Variants in ARHGEF11 observed in about 807,000 individuals in gnomAD.
The protein encoded by ARHGEF11 is Rho guanine exchange factor (GEF) 11.
In ARHGEF11, 55 loss-of-function variants were observed where a neutral mutation model predicts 193.7. That is an observed-to-expected ratio of 0.28 (90% CI 0.23 to 0.36). The LOEUF is 0.36. ARHGEF11 is among the 10% of genes least tolerant of loss of function. ARHGEF11 has a pLI of 1.00. For synonymous variants in ARHGEF11, 693 were observed against 768.0 expected, an observed-to-expected ratio of 0.90 and a Z score of 1.62; for missense variants, 1,723 against 2,005.6, an observed-to-expected ratio of 0.86 and a Z score of 2.69.
Position 157,045,561 on chromosome 1 carries a change from C to G in ARHGEF11, c.-1231G>C, listed in dbSNP as rs1453835625. On this transcript the variant is annotated 5_prime_UTR_variant, in exon 1 of 41. Transcript: ENST00000368194. ...CCTCCCTTTCCGCCCCTCGCCTAAT[C>G]TCGCAGGCAGGAGCCCGCAGTGCCT... 2.0e-5 allele frequency among the ~76,000 whole-genome samples: 3 copies of G among 152,028 alleles called. No individual in the cohort carries two copies. The highest frequency in any genetic ancestry group is 4.4e-5 in the Non-Finnish European group (3 of 67,946).
chr1:157,038,565 A>T (rs1190524705), intron 1 of ARHGEF11, among the ~76,000 whole-genome samples: 3 of 152,180 alleles, frequency 2.0e-5, no homozygotes, highest in Non-Finnish European at 4.4e-5. Context: ...GATCACTGAA[A>T]ATGGGAGAGG....
chr1:156,963,788 T>C (rs1661319528), intron 11 of ARHGEF11, 194 bp from the exon 12 acceptor site: 1 of 1,423,784 alleles, frequency 7.0e-7, no homozygotes, highest in South Asian at 1.6e-5. Flanking sequence ...GTCAACTGCT[T>C]CTGGGTGGGG....
intron 1 of ARHGEF11, among the ~76,000 whole-genome samples, chr1:157,036,510 C>G (rs1169196037): frequency 6.6e-6 from 1 of 151,806 alleles, no homozygotes; most frequent in African/African-American, 2.4e-5. Flanking sequence ...TTAGTAGAGA[C>G]GGGGTTTCAC....
intron 1 of ARHGEF11, among the ~76,000 whole-genome samples, chr1:156,991,970 C>A (rs1022670466): frequency 6.6e-6 from 1 of 152,038 alleles, no homozygotes; most frequent in East Asian, 1.9e-4. Flanking sequence ...CCCGCCTCGG[C>A]CTCCCAAAGT....
At chr1:157,022,384 T>C (rs1198631863) in intron 1 of ARHGEF11, among the ~76,000 whole-genome samples, 1 of 152,036 alleles carries the variant, frequency 6.6e-6, no homozygotes, top group African/African-American at 2.4e-5. Context: ...ACATTAGCAA[T>C]AAAAAATCTG....
chr1:156,954,349 C>T (rs182834726), intron 21 of ARHGEF11, among the ~76,000 whole-genome samples: 1 of 134,328 alleles, frequency 7.4e-6, no homozygotes, highest in Non-Finnish European at 1.6e-5. Context: ...CACTGCAGTC[C>T]AGCCTGGGCC....
chr1:157,019,795 T>C (rs566853106), intron 1 of ARHGEF11, among the ~76,000 whole-genome samples: 3 of 152,246 alleles, frequency 2.0e-5, no homozygotes, highest in South Asian at 2.1e-4. Flanking sequence ...CATAGAATTA[T>C]AGAAAATGTG....
chr1:156,988,755 G>A (rs1335231894), intron 1 of ARHGEF11, among the ~76,000 whole-genome samples: 2 of 152,152 alleles, frequency 1.3e-5, no homozygotes, highest in Admixed American at 6.5e-5. Flanking sequence ...CAGGTATGTG[G>A]GGGACAAGGA....
chr1:157,033,212 C>T (rs1390204791), intron 1 of ARHGEF11, among the ~76,000 whole-genome samples: 5 of 152,128 alleles, frequency 3.3e-5, no homozygotes, highest in African/African-American at 1.2e-4. Flanking sequence ...CTCCTCTCCT[C>T]CTCTCTCCCT....
chr1:156,951,169 C>A (rs1659033240), intron 22 of ARHGEF11, among the ~76,000 whole-genome samples: 1 of 152,178 alleles, frequency 6.6e-6, no homozygotes, highest in African/African-American at 2.4e-5. Flanking sequence ...AGACAGGAAA[C>A]CACTTTCTTT....
At position 156,947,401 on chromosome 1, in the gene ARHGEF11, G is replaced by A. The variant is rs1290782656; in HGVS notation, c.2391C>T (p.Asp797=). 1.2e-6 allele frequency: 2 copies of A among 1,613,998 alleles called. No individual in the cohort carries two copies. Among genetic ancestry groups the A allele is most frequent in the South Asian group, 2.2e-5 (2 of 91,066 alleles). Residue 797 remains aspartate (D), a synonymous_variant, in exon 26 of 41, where the codon GAC becomes GAT. Coordinates refer to ENST00000368194, the MANE Select transcript of ARHGEF11 (RefSeq NM_198236.3). ...TCTTCATTCGCTGGTAGAAGATCAG[G>A]TCCAGGACCCGGAGTGTGCGCAGGT... is the stretch of plus-strand genomic sequence containing the variant. ...ASHLRTLRVL[D]LIFYQRMKKE...
At chr1:156,996,535 A>G (rs952089887) in intron 1 of ARHGEF11, among the ~76,000 whole-genome samples, 29 of 152,194 alleles carry the variant, frequency 1.9e-4, no homozygotes, top group African/African-American at 7.0e-4. Context: ...AGATAAAATT[A>G]AAAAGAGGCG....
intron 1 of ARHGEF11, among the ~76,000 whole-genome samples, chr1:157,012,504 C>T (rs1026626519): frequency 1.3e-5 from 2 of 152,064 alleles, no homozygotes; most frequent in African/African-American, 4.8e-5. Context: ...AAAACGATAA[C>T]ACAAACAAAA....
chr1:157,028,817 A>G (rs1205758413), intron 1 of ARHGEF11, among the ~76,000 whole-genome samples: 1 of 152,194 alleles, frequency 6.6e-6, no homozygotes, highest in African/African-American at 2.4e-5. Context: ...CCACCGTGAG[A>G]TACCACTTCA....
At chr1:156,979,115 C>T (rs2102400049) in intron 5 of ARHGEF11, 114 bp downstream of exon 5, 1 of 955,726 alleles carries the variant, frequency 1.0e-6, no homozygotes, top group Non-Finnish European at 1.7e-6. Context: ...TTAGCTGCCT[C>T]ACATATCTAC....
intron 32 of ARHGEF11, among the ~76,000 whole-genome samples, chr1:156,943,602 C>T (rs1029129643): frequency 6.6e-6 from 1 of 152,240 alleles, no homozygotes; most frequent in African/African-American, 2.4e-5. Flanking sequence ...AGCAGAAAGG[C>T]TTGTCCTACT....
rs527341278 is a variant in ARHGEF11 at position 156,948,830 on chromosome 1, T to C, written c.1926-332A>G. ...GTGTGTCCAGAGGCCTGAGACACCA[T>C]GCTTCTGTCAAGAAGGTGGTAGACA... On this transcript the variant is annotated intron_variant, in intron 22 of 40. Transcript: ENST00000368194. This position sits in a 1 kb window ranked among gnomAD's most constrained non-coding sequence, Gnocchi z 4.2. 1 of 985,316 alleles carries C rather than the reference T, an allele frequency of 1.0e-6. No individual in the cohort carries two copies. The highest frequency in any genetic ancestry group is 1.2e-6 in the Non-Finnish European group (1 of 829,942). The allele number at this position is 985,316 out of a possible 1,614,324, so 61.0% of individuals were successfully genotyped here. A position where few individuals can be genotyped will look rare whatever the true frequency, so the allele number is the denominator to read the frequency against.
At chr1:157,011,322 ACAAGAATTAACT>A (rs376282283) in intron 1 of ARHGEF11, among the ~76,000 whole-genome samples, 10 of 152,312 alleles carry the variant, frequency 6.6e-5, no homozygotes, top group South Asian at 2.1e-4. Flanking sequence ...CACATCATAT[ACAAGAATTAACT>A]CAAGAATTAA....
chr1:157,044,312 G>T lies in ARHGEF11; in HGVS notation c.19C>A (p.Gln7Lys). 1 of 1,613,068 alleles carries T rather than the reference G, an allele frequency of 6.2e-7. No individual in the cohort carries two copies. Among genetic ancestry groups the T allele is most frequent in the African/African-American group, 1.3e-5 (1 of 74,694 alleles). The part of the protein sequence containing the change: MSVRLP[Q>K]SIDRLSSLSS... ...TAGCAAACCTACCTGTCTATACTCT[G>T]GGGTAACCTTACACTCATGGTTTCT... The change falls in exon 1 of 41, where the codon CAG becomes AAG. Residue 7 changes from glutamine to lysine, a missense_variant. Around this residue, in one of 5 missense-constraint regions of ARHGEF11, gnomAD observed 646 missense variants for 710.7 expected, o/e 0.91. Coordinates refer to ENST00000368194, the MANE Select transcript of ARHGEF11 (RefSeq NM_198236.3).
Sources: allele counts gnomAD v4.1 joint callset (sites outside exome capture counted in the v4.1 genomes callset), GRCh38; gene constraint gnomAD v4.1.1; regional missense constraint gnomAD v4.1.1; non-coding constraint Gnocchi (gnomAD v3.1); transcripts MANE v1.5; gene names NCBI Gene and HGNC (gene_info 2026-07-23, HGNC 2026-07-21).